Variants in MMP26 observed in about 807,000 individuals in gnomAD.
MMP26 encodes matrix metalloproteinase-26.
MMP26 carries 33 observed loss-of-function variants against 31.0 expected under a neutral mutation model. The observed-to-expected ratio is 1.06, with a 90% CI of 0.81 to 1.42. MMP26 has a LOEUF of 1.42. Ranked by LOEUF, MMP26 falls within the 40% of genes most tolerant of loss-of-function variation. The pLI is 0.00. For missense variants in MMP26, 347 were observed against 316.1 expected, an observed-to-expected ratio of 1.10 and a Z score of -0.74; for synonymous variants, 122 against 114.9, an observed-to-expected ratio of 1.06 and a Z score of -0.40.
chr11:4,856,628 G>T (rs559995519), intron 2 of MMP26, among the ~76,000 whole-genome samples: 2 of 151,996 alleles, frequency 1.3e-5, no homozygotes, highest in Non-Finnish European at 2.9e-5. Flanking sequence ...TAATGGGAGG[G>T]TTTAACACCC....
chr11:4,817,824 G>T (rs1240390400), intron 2 of MMP26, among the ~76,000 whole-genome samples: 1 of 152,138 alleles, frequency 6.6e-6, no homozygotes, highest in Admixed American at 6.5e-5. Flanking sequence ...TGGGTTATAT[G>T]CAGGGCTTCT....
At chr11:4,778,269 T>C (rs1038342533) in intron 2 of MMP26, among the ~76,000 whole-genome samples, 2 of 152,114 alleles carry the variant, frequency 1.3e-5, no homozygotes, top group African/African-American at 4.8e-5. Flanking sequence ...TTTTAAGAAA[T>C]GCCTCTCCAA....
intron 2 of MMP26, among the ~76,000 whole-genome samples, chr11:4,830,820 A>G (rs1212957803): frequency 2.6e-5 from 4 of 152,196 alleles, no homozygotes; most frequent in African/African-American, 9.7e-5. Flanking sequence ...TGCACTGGTC[A>G]CCAATCTGAA....
chr11:4,804,216 G>A (rs371470074), intron 2 of MMP26: 37 of 1,613,958 alleles, frequency 2.3e-5, no homozygotes, highest in Non-Finnish European at 3.1e-5. Context: ...GCAGGGTGTG[G>A]TCAATTCTGA....
chr11:4,915,411 T>C (rs773791164), intron 2 of MMP26: 1 of 1,613,842 alleles, frequency 6.2e-7, no homozygotes, highest in South Asian at 1.1e-5. Context: ...CCCAGGACTG[T>C]AGGGAGAGTG....
chr11:4,903,662 C>T (rs1390513844), intron 2 of MMP26: 1 of 152,046 alleles, frequency 6.6e-6, no homozygotes, highest in Non-Finnish European at 1.5e-5. Flanking sequence ...AGGCCTAACC[C>T]TTTCTGTGTA....
intron 1 of MMP26, among the ~76,000 whole-genome samples, chr11:4,763,858 G>C (rs556499255): frequency 6.6e-6 from 1 of 152,166 alleles, no homozygotes; most frequent in East Asian, 1.9e-4. Context: ...AAGTTTAATA[G>C]TATGTAGCAC....
chr11:4,881,748 C>A, intron 2 of MMP26: 3 of 719,364 alleles, frequency 4.2e-6, no homozygotes, highest in Non-Finnish European at 6.9e-6. Flanking sequence ...ACTATTTAAC[C>A]TTCCTGGGTC....
chr11:4,768,265 G>A (rs34861528), intron 2 of MMP26, among the ~76,000 whole-genome samples: 14,328 of 152,158 alleles, frequency 0.094, 840 homozygotes, highest in Middle Eastern at 0.15. Flanking sequence ...AAATTAGCAA[G>A]TGTGCCTCAC....
chr11:4,719,568 C>A (rs1362418110), intron 1 of MMP26: 2 of 152,534 alleles, frequency 1.3e-5, no homozygotes, highest in Admixed American at 6.5e-5. Context: ...ACTAGATGAA[C>A]CTTTCAATTT....
At chr11:4,983,394 G>T (rs1207656264) in intron 2 of MMP26, among the ~76,000 whole-genome samples, 4 of 152,190 alleles carry the variant, frequency 2.6e-5, no homozygotes. Context: ...AGCTGCCAGT[G>T]TCATGACAAT....
In MMP26 at chr11:4,851,605, T is replaced by C. The variant is rs920551259; in HGVS notation, c.-145+84264T>C. Among the ~76,000 whole-genome samples the C allele has an allele frequency of 7.9e-5, 12 of 152,120 alleles. No homozygotes were observed. The South Asian group carries it at 2.5e-3, about 31-fold the overall frequency. ...AAAAAATAATTATAATACTCTATTG[T>C]CGAGTAAATTATATATATTATATAT... On this transcript the variant is annotated intron_variant, in intron 2 of 7. Transcript: ENST00000380390.
intron 2 of MMP26, among the ~76,000 whole-genome samples, chr11:4,799,329 C>A (rs1048524045): frequency 6.6e-6 from 1 of 152,028 alleles, no homozygotes; most frequent in Non-Finnish European, 1.5e-5. Context: ...AAAGAGAGAG[C>A]TGGCACATCA....
intron 2 of MMP26, among the ~76,000 whole-genome samples, chr11:4,957,683 T>A (rs1846463011): frequency 6.6e-6 from 1 of 152,044 alleles, no homozygotes; most frequent in Non-Finnish European, 1.5e-5. Context: ...ACTTCTGTTT[T>A]TTTTTCTTTT....
At chr11:4,897,038 C>G (rs1850714199) in intron 2 of MMP26, among the ~76,000 whole-genome samples, 1 of 152,006 alleles carries the variant, frequency 6.6e-6, no homozygotes, top group African/African-American at 2.4e-5. Context: ...TATTCATATG[C>G]ATAATGTATC....
At chr11:4,848,966 C>G in intron 2 of MMP26, 1 of 1,614,080 alleles carries the variant, frequency 6.2e-7, no homozygotes, top group South Asian at 1.1e-5. Context: ...GGGCAGTGAC[C>G]AATCCAATAT....
chr11:4,820,768 C>T (rs909811320), intron 2 of MMP26, among the ~76,000 whole-genome samples: 5 of 152,190 alleles, frequency 3.3e-5, no homozygotes, highest in Non-Finnish European at 7.3e-5. Context: ...TTAGCTTGCT[C>T]ATCTGCAAAA....
rs374594879 is a variant in MMP26 at position 4,882,860 on chromosome 11, G to T, written c.-144-105208G>T. The T allele has an allele frequency of 6.2e-6, 10 of 1,612,736 alleles. No individual in the cohort carries two copies. In the Admixed American group the frequency reaches 1.5e-4, roughly 24 times the overall value. The stretch of plus-strand genomic sequence containing the variant: ...GGGTTCATGGGGTTTTAATGTGAGG[G>T]GTCTTAGGGGAAGATGGGATTGAAG... On this transcript the variant is annotated intron_variant, in intron 2 of 7. Coordinates refer to ENST00000380390, the MANE Select transcript of MMP26 (RefSeq NM_021801.5).
intron 2 of MMP26, chr11:4,944,331 A>C: frequency 5.8e-6 from 1 of 173,328 alleles, no homozygotes; most frequent in Non-Finnish European, 1.2e-5. Flanking sequence ...AATTTCATTA[A>C]ATCAAACTCT....
Sources: gnomAD v4.1 joint callset for allele counts (sites outside exome capture counted in the v4.1 genomes callset) on GRCh38, gnomAD v4.1.1 for gene constraint, MANE v1.5 for transcripts, NCBI Gene and HGNC (gene_info 2026-07-23, HGNC 2026-07-21) for gene names.